The following FFAR4 variants were observed in gnomAD, a reference collection of about 807,000 sequenced individuals.
The protein encoded by FFAR4 is free fatty acid receptor 4.
FFAR4 carries 19 observed loss-of-function variants against 27.0 expected under a neutral mutation model. The ratio of observed to expected loss-of-function variants is 0.70; its 90% CI spans 0.49 to 1.03. FFAR4 has a LOEUF of 1.03. Ranked by LOEUF, FFAR4 falls within the 50% of genes least tolerant of loss-of-function variation. The probability of loss-of-function intolerance (pLI) is 0.00; values close to 1 mark genes in which losing one functional copy is unlikely to be tolerated. For synonymous variants in FFAR4, 254 were observed against 215.6 expected (o/e 1.18, Z -1.56); for missense variants, 476 against 479.0 (o/e 0.99, Z 0.06).
chr10:93,569,862 A>C (rs558593851), intron 1 of FFAR4, among the ~76,000 whole-genome samples: 2 of 151,744 alleles, frequency 1.3e-5, no homozygotes, highest in South Asian at 2.1e-4. Context: ...AATTGGAGAC[A>C]AGCCTGGCCA....
In FFAR4 at chr10:93,567,271, TC is replaced by T. The variant is rs780551884; in HGVS notation, c.555del (p.Gly186AlafsTer11). On this transcript the variant is annotated frameshift_variant, in exon 1 of 3. Coordinates refer to ENST00000371481, the MANE Select transcript of FFAR4 (RefSeq NM_001195755.2). LOFTEE classifies it high-confidence loss of function. Reference protein sequence around the residue: ...CVFFRVVPQRLPGADQEISIC... With the variant: ...CVFFRVVPQRXPGADQEISIC... ...TTCTTCCGAGTCGTCCCGCAACGGC[TC>T]CCCGGCGCCGACCAGGTGAGCGCCC... 1 of 1,599,336 alleles carries T rather than the reference TC, an allele frequency of 6.3e-7. No homozygotes were observed.
Position 93,567,141 on chromosome 10 carries a change from G to A in FFAR4, c.421G>A (p.Val141Met), listed in dbSNP as rs774276216. The change falls in exon 1 of 3, where the codon GTG becomes ATG. Residue 141 changes from valine (V) to methionine (M), a missense_variant. By Grantham distance (21) the Val-to-Met change is conservative. Transcript: ENST00000371481. ...CAGCCTGGAGCGCATGGTGTGCATCGTGCACCTGCAGCGCGGCGTGCGGGG... is the reference window on the plus strand; with the variant it reads ...CAGCCTGGAGCGCATGGTGTGCATCATGCACCTGCAGCGCGGCGTGCGGGG... Reference protein sequence around the residue: ...AVSLERMVCIVHLQRGVRGPG... With the variant: ...AVSLERMVCIMHLQRGVRGPG... 4.0e-5 allele frequency: 64 copies of A among 1,606,790 alleles called. No homozygotes were observed. The South Asian group carries it at 6.9e-4, about 17-fold the overall frequency.
chr10:93,570,396 G>C (rs1313790241), intron 1 of FFAR4, among the ~76,000 whole-genome samples: 2 of 151,316 alleles, frequency 1.3e-5, no homozygotes, highest in Non-Finnish European at 2.9e-5. Context: ...AAAGCAACAG[G>C]AGGATCTGGT....
At chr10:93,580,990 C>T (rs77500786) in intron 2 of FFAR4, among the ~76,000 whole-genome samples, 1,683 of 152,336 alleles carry the variant, frequency 0.011, 33 homozygotes, top group African/African-American at 0.037. Context: ...ACGTCATCGC[C>T]CAGCAACTGT....
chr10:93,567,628 G>A (rs557034565), intron 1 of FFAR4, among the ~76,000 whole-genome samples: 19 of 152,272 alleles, frequency 1.2e-4, no homozygotes, highest in Middle Eastern at 6.8e-3. Context: ...TCCTCGCCAG[G>A]TGCTACAATA....
intron 2 of FFAR4, among the ~76,000 whole-genome samples, chr10:93,578,676 G>C (rs1012963458): frequency 6.6e-6 from 1 of 152,216 alleles, no homozygotes; most frequent in African/African-American, 2.4e-5. Context: ...AGCCATGCCT[G>C]CCTGTAGCAG....
chr10:93,583,376 A>G (rs1329356141), intron 2 of FFAR4, among the ~76,000 whole-genome samples: 1 of 151,072 alleles, frequency 6.6e-6, no homozygotes, highest in Non-Finnish European at 1.5e-5. Flanking sequence ...AGATGGCGCC[A>G]CTGCACTTCA....
intron 2 of FFAR4, among the ~76,000 whole-genome samples, chr10:93,580,143 A>C (rs974798983): frequency 2.0e-5 from 3 of 152,162 alleles, no homozygotes; most frequent in African/African-American, 4.8e-5. Flanking sequence ...CTCAGTTTGC[A>C]TCTCCTCCCC....
chr10:93,584,674 A>G (rs938720857), intron 2 of FFAR4, among the ~76,000 whole-genome samples: 1 of 152,096 alleles, frequency 6.6e-6, no homozygotes, highest in South Asian at 2.1e-4. Flanking sequence ...GAATCATAAA[A>G]CAAACAACTA....
At chr10:93,567,567 A>G (rs889642510) in intron 1 of FFAR4, among the ~76,000 whole-genome samples, 2 of 152,196 alleles carry the variant, frequency 1.3e-5, no homozygotes, top group Non-Finnish European at 2.9e-5. Context: ...TAGGAGCGAG[A>G]CGGAACTTTG....
At chr10:93,576,352 A>G (rs2058164010) in intron 2 of FFAR4, 133 bp downstream of exon 2, 1 of 837,566 alleles carries the variant, frequency 1.2e-6, no homozygotes, top group Non-Finnish European at 1.9e-6. Flanking sequence ...GCCCAGGTCT[A>G]CAACACTGAG....
chr10:93,589,940 T>C lies in FFAR4; in HGVS notation c.*2331T>C, dbSNP rs1056394966. 20 of 152,312 alleles carry C rather than the reference T, an allele frequency of 1.3e-4. No homozygotes were observed. The highest frequency in any genetic ancestry group is 4.8e-4 in the African/African-American group (20 of 41,552). The allele number at this position is 152,312 out of a possible 1,614,324, so 9.4% of individuals were successfully genotyped here. A position where few individuals can be genotyped will look rare whatever the true frequency, so the allele number is the denominator to read the frequency against. On this transcript the variant is annotated 3_prime_UTR_variant, in exon 3 of 3. Coordinates refer to ENST00000371481, the MANE Select transcript of FFAR4 (RefSeq NM_001195755.2). ...AATCAGCACCAGCAGTAGTGACTGC[T>C]TATGCAGTTTCTGGAGCAGCTTGCT...
chr10:93,569,469 C>T (rs2058119755), intron 1 of FFAR4, among the ~76,000 whole-genome samples: 1 of 152,220 alleles, frequency 6.6e-6, no homozygotes, highest in Admixed American at 6.5e-5. Context: ...TACCGCACCA[C>T]TGTTAGGGAA....
At position 93,579,331 on chromosome 10, in the gene FFAR4, T is replaced by C; in HGVS notation, c.696+3112T>C. On this transcript the variant is annotated intron_variant, in intron 2 of 2. Coordinates refer to ENST00000371481, the MANE Select transcript of FFAR4 (RefSeq NM_001195755.2). ...CCGTTCTCACCTTCATATTTCACCCTCCCTTGTGTCCACATTGGCCTTGAG... is the reference window on the plus strand; with the variant it reads ...CCGTTCTCACCTTCATATTTCACCCCCCCTTGTGTCCACATTGGCCTTGAG... The C allele has an allele frequency of 1.1e-5, 9 of 800,318 alleles. No homozygotes were observed. The South Asian group carries it at 1.4e-4, about 13-fold the overall frequency. 49.6% of individuals were successfully genotyped at this position (800,318 alleles called of 1,614,324 possible).
intron 1 of FFAR4, among the ~76,000 whole-genome samples, chr10:93,570,824 C>T (rs146918293): frequency 6.6e-6 from 1 of 152,208 alleles, no homozygotes; most frequent in East Asian, 1.9e-4. Context: ...TGGAGTCAAA[C>T]ATTCTGTTTA....
Position 93,567,248 on chromosome 10 carries a change from C to T in FFAR4, c.528C>T (p.Phe176=), listed in dbSNP as rs150993972. Residue 176 remains phenylalanine (F), a synonymous_variant, in exon 1 of 3, where the codon TTC becomes TTT. Transcript: ENST00000371481. ...SAVAALPLCV[F]FRVVPQRLPG... The stretch of plus-strand genomic sequence containing the variant: ...TCGCCGCTCTGCCTCTCTGCGTCTT[C>T]TTCCGAGTCGTCCCGCAACGGCTCC... 120 of 1,600,894 alleles carry T rather than the reference C, an allele frequency of 7.5e-5. No individual in the cohort carries two copies. The highest frequency in any genetic ancestry group is 1.0e-4 in the Admixed American group (6 of 59,960).
At chr10:93,567,311 G>A in intron 1 of FFAR4, 24 bp downstream of exon 1, 2 of 1,589,628 alleles carry the variant, frequency 1.3e-6, no homozygotes, top group Non-Finnish European at 1.7e-6. Context: ...TGTGTGTGCC[G>A]GGCAGGTGTC....
intron 2 of FFAR4, among the ~76,000 whole-genome samples, chr10:93,580,317 A>G (rs2058190126): frequency 6.6e-6 from 1 of 152,214 alleles, no homozygotes; most frequent in Non-Finnish European, 1.5e-5. Flanking sequence ...GGATACAAAC[A>G]CTACAGCACC....
intron 2 of FFAR4, among the ~76,000 whole-genome samples, chr10:93,580,735 A>G (rs976492784): frequency 2.6e-5 from 4 of 152,046 alleles, no homozygotes; most frequent in African/African-American, 9.7e-5. Context: ...GACCTGGGCA[A>G]GAATTCAGAG....
Sources: gnomAD v4.1 joint callset for allele counts (sites outside exome capture counted in the v4.1 genomes callset) on GRCh38, gnomAD v4.1.1 for gene constraint, MANE v1.5 for transcripts, NCBI Gene and HGNC (gene_info 2026-07-23, HGNC 2026-07-21) for gene names.